The following ASCC3 variants were observed in gnomAD, a reference collection of about 807,000 sequenced individuals.
ASCC3 encodes the protein activating signal cointegrator 1 complex subunit 3, also known as ASC-1 complex subunit P200.
ASCC3 carries 158 observed loss-of-function variants against 256.3 expected under a neutral mutation model. The ratio of observed to expected loss-of-function variants is 0.62; its 90% confidence interval spans 0.54 to 0.70. The LOEUF (loss-of-function observed/expected upper bound fraction) is 0.70, where lower values mean the gene tolerates loss of function less well. Ranked by LOEUF, ASCC3 falls within the 30% of genes least tolerant of loss-of-function variation. The pLI is 0.00. For missense variants in ASCC3, 2,259 were observed against 2,626.0 expected (o/e 0.86, Z 3.05); for synonymous variants, 948 against 883.4 (o/e 1.07, Z -1.30).
In ASCC3 at chr6:100,532,386, A is replaced by G. The variant is rs1369399297; in HGVS notation, c.5775+7777T>C. Among the ~76,000 whole-genome samples the G allele has an allele frequency of 0.011, 420 of 36,544 alleles. 5 individuals are homozygous for G. The East Asian group carries it at 0.13, about 12-fold the overall frequency. 24.0% of individuals were successfully genotyped at this position (36,544 alleles called of 152,430 possible). On this transcript the variant is annotated intron_variant, in intron 37 of 41. Transcript: ENST00000369162. ...TGTGTGTGTGTATGTGTGTATATATATATATATATATATATATATATTTTT... is the reference window on the plus strand; with the variant it reads ...TGTGTGTGTGTATGTGTGTATATATGTATATATATATATATATATATTTTT...
chr6:100,564,747 T>C (rs1003688777), intron 36 of ASCC3, among the ~76,000 whole-genome samples: 4 of 152,108 alleles, frequency 2.6e-5, no homozygotes, highest in Non-Finnish European at 5.9e-5. Context: ...TTAAAAATTA[T>C]ATGTAGAATA....
intron 33 of ASCC3, among the ~76,000 whole-genome samples, chr6:100,602,593 G>A: frequency 6.6e-6 from 1 of 152,030 alleles, no homozygotes; most frequent in East Asian, 1.9e-4. Flanking sequence ...TATAGAATAA[G>A]TACTGAGGCA....
intron 34 of ASCC3, among the ~76,000 whole-genome samples, chr6:100,592,957 G>A (rs1270662107): frequency 6.6e-6 from 1 of 151,944 alleles, no homozygotes; most frequent in Non-Finnish European, 1.5e-5. Flanking sequence ...TGCCATAAAC[G>A]GACAGCCTAC....
chr6:100,863,419 C>T (rs1773321238), intron 3 of ASCC3, among the ~76,000 whole-genome samples: 1 of 152,132 alleles, frequency 6.6e-6, no homozygotes, highest in African/African-American at 2.4e-5. Flanking sequence ...AGCGACTGAG[C>T]TACATAGCTT....
chr6:100,513,013 T>C (rs1773850274), intron 39 of ASCC3, 95 bp from the exon 40 acceptor site: 5 of 1,104,920 alleles, frequency 4.5e-6, no homozygotes, highest in Non-Finnish European at 6.6e-6. Context: ...AAAATTAACC[T>C]TTTAATGTTG....
At chr6:100,677,947 A>G (rs1777109609) in intron 14 of ASCC3, among the ~76,000 whole-genome samples, 1 of 152,098 alleles carries the variant, frequency 6.6e-6, no homozygotes, top group African/African-American at 2.4e-5. Flanking sequence ...ATTGCCTTAA[A>G]TAAACATCAT....
intron 4 of ASCC3, among the ~76,000 whole-genome samples, chr6:100,814,897 T>C (rs1770665766): frequency 6.6e-6 from 1 of 152,138 alleles, no homozygotes; most frequent in African/African-American, 2.4e-5. Flanking sequence ...ACTGGAATTC[T>C]TGATCATTTG....
chr6:100,608,061 C>CATATATAAATATGTATATATAG (rs1773001716), intron 30 of ASCC3, among the ~76,000 whole-genome samples: 1 of 11,416 alleles, frequency 8.8e-5, no homozygotes. Flanking sequence ...CATATATACA[C>CATATATAAATATGTATATATAG]ATATATATAC....
In ASCC3 at chr6:100,771,445, C is replaced by A. The variant is rs140277699; in HGVS notation, c.1396-4100G>T. ...TTAAGCAAAATGGAAAACCTACTAT[C>A]TTTAAGATACTGTTAAGAAAATAAA... On this transcript the variant is annotated intron_variant, in intron 8 of 41. Transcript: ENST00000369162. 3.9e-4 allele frequency among the ~76,000 whole-genome samples: 60 copies of A among 152,112 alleles called. 1 individual carries two copies. Among genetic ancestry groups the A allele is most frequent in the African/African-American group, 1.4e-3 (59 of 41,534 alleles).
At chr6:100,653,033 A>T in intron 17 of ASCC3, 144 bp from the exon 18 acceptor site, 3 of 770,818 alleles carry the variant, frequency 3.9e-6, no homozygotes, top group Non-Finnish European at 4.1e-6. Context: ...ATTTTTCTAC[A>T]TTTAGGAAAT....
chr6:100,821,055 G>C (rs529296465), intron 4 of ASCC3, among the ~76,000 whole-genome samples: 1 of 152,114 alleles, frequency 6.6e-6, no homozygotes, highest in African/African-American at 2.4e-5. Context: ...TTTAAGTTGG[G>C]GTTTTGATCT....
intron 8 of ASCC3, among the ~76,000 whole-genome samples, chr6:100,780,614 T>C (rs1022780552): frequency 2.0e-5 from 3 of 151,866 alleles, no homozygotes; most frequent in African/African-American, 7.3e-5. Flanking sequence ...AAAAAGAAAA[T>C]AAAAAACTAC....
rs143384418 is a variant in ASCC3, at chr6:100,780,900, G to T, written c.1396-13555C>A. ...GCCTCATTACTCATCTTTATTAAAGGTTGACAAATACTTTACAAATACATC... is the reference window on the plus strand; with the variant it reads ...GCCTCATTACTCATCTTTATTAAAGTTTGACAAATACTTTACAAATACATC... On this transcript the variant is annotated intron_variant, in intron 8 of 41. Transcript: ENST00000369162. Among the ~76,000 whole-genome samples, 15 of 152,230 alleles carry T rather than the reference G, an allele frequency of 9.9e-5. No individual in the cohort carries two copies. The East Asian group carries it at 2.9e-3, about 29-fold the overall frequency.
chr6:100,564,224 GTCTTC>G (rs1431211648), intron 36 of ASCC3, among the ~76,000 whole-genome samples: 1 of 151,464 alleles, frequency 6.6e-6, no homozygotes, highest in Non-Finnish European at 1.5e-5. Flanking sequence ...AACATTCTAG[GTCTTC>G]TCTTCTAACT....
intron 4 of ASCC3, among the ~76,000 whole-genome samples, chr6:100,810,117 T>C (rs1419509715): frequency 6.6e-6 from 1 of 152,172 alleles, no homozygotes; most frequent in Non-Finnish European, 1.5e-5. Flanking sequence ...TAAGCCAGTC[T>C]GGCATCACAT....
intron 4 of ASCC3, among the ~76,000 whole-genome samples, chr6:100,812,855 A>T (rs978179161): frequency 1.3e-5 from 2 of 152,058 alleles, no homozygotes; most frequent in African/African-American, 4.8e-5. Flanking sequence ...CCTTGAACCC[A>T]GGAGTTCAAG....
chr6:100,617,113 T>G (rs983469786), intron 30 of ASCC3, among the ~76,000 whole-genome samples: 1 of 152,164 alleles, frequency 6.6e-6, no homozygotes. Flanking sequence ...CAAACAATTA[T>G]CATGCCTCAG....
rs9498398 is a variant in ASCC3 at position 100,821,524 on chromosome 6, A to T, written c.802-15644T>A. Among the ~76,000 whole-genome samples, 382 of 142,080 alleles carry T rather than the reference A, an allele frequency of 2.7e-3. 3 individuals carry two copies. The highest frequency in any genetic ancestry group is 9.4e-3 in the African/African-American group (378 of 40,328). 93.2% of individuals were successfully genotyped at this position (142,080 alleles called of 152,430 possible). The stretch of plus-strand genomic sequence containing the variant: ...ACAAAATGGAATATTATTCAGCTAT[A>T]AAAAAAAAATGAAGTAGTAGGCAGG... On this transcript the variant is annotated intron_variant, in intron 4 of 41. Transcript: ENST00000369162.
intron 13 of ASCC3, among the ~76,000 whole-genome samples, chr6:100,684,123 G>A (rs534289501): frequency 6.6e-6 from 1 of 152,290 alleles, no homozygotes; most frequent in South Asian, 2.1e-4. Context: ...GTTTCAGGGT[G>A]TATTCAAAGG....
Sources: allele counts gnomAD v4.1 joint callset (sites outside exome capture counted in the v4.1 genomes callset), GRCh38; gene constraint gnomAD v4.1.1; transcripts MANE v1.5; gene names NCBI Gene and HGNC (gene_info 2026-07-23, HGNC 2026-07-21).